The following MVB12B variants were observed in gnomAD, a reference collection of about 807,000 sequenced individuals.
MVB12B encodes the protein ESCRT-I complex subunit MVB12B.
In MVB12B, 16 loss-of-function variants were observed where a neutral mutation model predicts 41.6. That is an observed-to-expected ratio of 0.38 (90% CI 0.26 to 0.58). The LOEUF is 0.58. Among genes scored for constraint, MVB12B ranks in the 20% least tolerant of loss-of-function variants. The pLI, the probability that MVB12B is intolerant of heterozygous loss-of-function variation, is 0.62. For synonymous variants in MVB12B, 133 were observed against 139.7 expected, an observed-to-expected ratio of 0.95 and a Z score of 0.34; for missense variants, 274 against 380.2, an observed-to-expected ratio of 0.72 and a Z score of 2.32.
intron 2 of MVB12B, among the ~76,000 whole-genome samples, chr9:126,379,037 G>A (rs539643923): frequency 2.6e-5 from 4 of 152,170 alleles, no homozygotes; most frequent in African/African-American, 4.8e-5. Flanking sequence ...CTCTTGGAAC[G>A]TTAAAGACAC....
At chr9:126,495,268 G>A (rs949198817) in intron 9 of MVB12B, among the ~76,000 whole-genome samples, 3 of 152,016 alleles carry the variant, frequency 2.0e-5, no homozygotes, top group African/African-American at 4.8e-5. Flanking sequence ...GGCATCTGAC[G>A]GTGCACAGCC....
At chr9:126,343,481 A>T (rs540538619) in intron 2 of MVB12B, among the ~76,000 whole-genome samples, 1 of 152,250 alleles carries the variant, frequency 6.6e-6, no homozygotes, top group South Asian at 2.1e-4. Context: ...TGTGTGCAGA[A>T]TGTAACCTTT....
intron 7 of MVB12B, among the ~76,000 whole-genome samples, chr9:126,430,268 C>T (rs985394102): frequency 6.6e-6 from 1 of 152,144 alleles, no homozygotes; most frequent in African/African-American, 2.4e-5. Flanking sequence ...TTGGGGCTGT[C>T]AACAACCAGC....
chr9:126,331,258 A>G (rs749795113), intron 1 of MVB12B, among the ~76,000 whole-genome samples: 7 of 152,208 alleles, frequency 4.6e-5, no homozygotes, highest in African/African-American at 7.2e-5. Context: ...ATCTCTTCAC[A>G]TGCTTGCGAA....
chr9:126,348,745 C>CT (rs1829666708), intron 2 of MVB12B, among the ~76,000 whole-genome samples: 1 of 151,788 alleles, frequency 6.6e-6, no homozygotes, highest in African/African-American at 2.4e-5. Context: ...TTCAGTTAAA[C>CT]TTTTTATTTT....
intron 6 of MVB12B, among the ~76,000 whole-genome samples, chr9:126,407,143 A>G (rs2119041755): frequency 6.6e-6 from 1 of 152,314 alleles, no homozygotes; most frequent in African/African-American, 2.4e-5. Context: ...GAAGCCTAGG[A>G]TCTGAGCAAA....
In MVB12B at chr9:126,503,291, C is replaced by A. The variant is rs779970974; in HGVS notation, c.*28C>A. ...AGCCAGCGGCCACCTGCGGGGAGACCACCGCCGCCCAGACTACTGACGGCA... is the reference window on the plus strand; with the variant it reads ...AGCCAGCGGCCACCTGCGGGGAGACAACCGCCGCCCAGACTACTGACGGCA... On this transcript the variant is annotated 3_prime_UTR_variant, in exon 10 of 10. Coordinates refer to ENST00000361171, the MANE Select transcript of MVB12B (RefSeq NM_033446.3). 8 of 1,533,462 alleles carry A rather than the reference C, an allele frequency of 5.2e-6. No homozygotes were observed. The South Asian group carries it at 9.6e-5, about 18-fold the overall frequency. 95.0% of individuals were successfully genotyped at this position (1,533,462 alleles called of 1,614,324 possible).
chr9:126,373,251 C>T (rs1252612737), intron 2 of MVB12B, among the ~76,000 whole-genome samples: 1 of 152,238 alleles, frequency 6.6e-6, no homozygotes, highest in Non-Finnish European at 1.5e-5. Context: ...ATGCCTCTTC[C>T]TTTCACTTTA....
intron 3 of MVB12B, among the ~76,000 whole-genome samples, chr9:126,384,457 T>C (rs565297361): frequency 1.3e-5 from 2 of 152,340 alleles, no homozygotes; most frequent in East Asian, 3.9e-4. Flanking sequence ...TTAGTGTATA[T>C]CAATACTTTT....
chr9:126,495,221 AAGAAG>A (rs1472545861), intron 9 of MVB12B, among the ~76,000 whole-genome samples: 8 of 150,382 alleles, frequency 5.3e-5, no homozygotes, highest in African/African-American at 1.2e-4. Flanking sequence ...GAGAGAGAGA[AAGAAG>A]AGAAGGGAAA....
intron 6 of MVB12B, among the ~76,000 whole-genome samples, chr9:126,413,845 T>TGTGTGTGTG (rs1554776225): frequency 9.3e-4 from 130 of 139,328 alleles, no homozygotes; most frequent in Middle Eastern, 3.8e-3. Flanking sequence ...TGTGTGTGTG[T>TGTGTGTGTG]GTGTGTGTAT....
chr9:126,392,226 T>C lies in MVB12B; in HGVS notation c.539+31T>C. 1 of 1,612,434 alleles carries C rather than the reference T, an allele frequency of 6.2e-7. No individual in the cohort carries two copies. Among genetic ancestry groups the C allele is most frequent in the African/African-American group, 1.3e-5 (1 of 75,014 alleles). On this transcript the variant is annotated intron_variant, in intron 5 of 9. Coordinates refer to ENST00000361171, the MANE Select transcript of MVB12B (RefSeq NM_033446.3). This position sits in a 1 kb window ranked among gnomAD's most constrained non-coding sequence, Gnocchi z 4.8. ...TCTTAATAACAGGACTGTCAGCTGC[T>C]TCTCTTCCCTGAGAGCACTCAGGCC... is the stretch of plus-strand genomic sequence containing the variant.
intron 6 of MVB12B, chr9:126,408,341 G>C (rs1270880364): frequency 6.6e-6 from 1 of 152,192 alleles, no homozygotes; most frequent in African/African-American, 2.4e-5. Context: ...CTCATTAAAA[G>C]AGATTTTCTT....
At chr9:126,327,432 G>C (rs1375298207) in intron 1 of MVB12B, 4 of 615,588 alleles carry the variant, frequency 6.5e-6, no homozygotes, top group Non-Finnish European at 8.1e-6. Flanking sequence ...GCAGACCAAC[G>C]TGCACCTGCC....
At chr9:126,465,657 C>G (rs1421257800) in intron 7 of MVB12B, among the ~76,000 whole-genome samples, 4 of 131,480 alleles carry the variant, frequency 3.0e-5, no homozygotes, top group Non-Finnish European at 6.2e-5. Flanking sequence ...CACGAGTGGC[C>G]TCCAGATTGG....
chr9:126,368,301 G>C (rs984479389), intron 2 of MVB12B, among the ~76,000 whole-genome samples: 4 of 152,152 alleles, frequency 2.6e-5, no homozygotes, highest in African/African-American at 9.7e-5. Flanking sequence ...TAGTATCAAG[G>C]CCCATGTTTT....
intron 2 of MVB12B, among the ~76,000 whole-genome samples, chr9:126,348,105 G>A (rs1411857466): frequency 6.6e-6 from 1 of 152,238 alleles, no homozygotes; most frequent in African/African-American, 2.4e-5. Context: ...TTTGAGTCCT[G>A]CCACACAGAT....
At position 126,473,144 on chromosome 9, in the gene MVB12B, C is replaced by T. The variant is rs961136678; in HGVS notation, c.758-8225C>T. On this transcript the variant is annotated intron_variant, in intron 7 of 9. Transcript: ENST00000361171. This position sits in a 1 kb window ranked among gnomAD's most constrained non-coding sequence, Gnocchi z 4.0. ...ATTTTTCTTCACCCTCACCACAGCC[C>T]GCAGAGGCAGCTGTAGTATTATGCC... Among the ~76,000 whole-genome samples the T allele has an allele frequency of 3.3e-5, 5 of 152,096 alleles. No individual in the cohort carries two copies. Among genetic ancestry groups the T allele is most frequent in the Admixed American group, 2.6e-4 (4 of 15,268 alleles).
At chr9:126,489,626 G>A (rs936435463) in intron 9 of MVB12B, among the ~76,000 whole-genome samples, 2 of 152,236 alleles carry the variant, frequency 1.3e-5, no homozygotes, top group Admixed American at 6.5e-5. Flanking sequence ...GAAGGAAGCC[G>A]TGATTCATAG....
Sources: gnomAD v4.1 joint callset for allele counts (sites outside exome capture counted in the v4.1 genomes callset) on GRCh38, gnomAD v4.1.1 for gene constraint, Gnocchi (gnomAD v3.1) non-coding constraint, MANE v1.5 for transcripts, NCBI Gene and HGNC (gene_info 2026-07-23, HGNC 2026-07-21) for gene names.